The following AIM2 variants were observed in gnomAD, a reference collection of about 807,000 sequenced individuals.
AIM2 encodes interferon-inducible protein AIM2.
Under a neutral mutation model 27.7 loss-of-function variants are expected in AIM2, and 30 were observed. That is an observed-to-expected ratio of 1.08 (90% confidence interval 0.81 to 1.47). The LOEUF is 1.47. AIM2 is among the 40% of genes most tolerant of loss of function. The pLI is 0.00. For missense variants in AIM2, 358 were observed against 411.3 expected (o/e 0.87, Z 1.12); for synonymous variants, 141 against 145.3 (o/e 0.97, Z 0.21).
upstream of AIM2, among the ~76,000 whole-genome samples, chr1:159,143,922 T>C (rs1293821672): frequency 6.6e-6 from 1 of 152,120 alleles, no homozygotes; most frequent in Non-Finnish European, 1.5e-5. Flanking sequence ...AAAGAAGGAA[T>C]CAATCTTTTT....
rs184461854 is a variant in AIM2, at chr1:159,068,073, T to C, written c.396+495A>G. ...CAGACCGAGTGTCAGAGTCTCTGAA[T>C]TGGATCTCTGATGTGACCCAGAGCC... On this transcript the variant is annotated intron_variant, in intron 3 of 5. Transcript: ENST00000368130. 1.0e-3 allele frequency among the ~76,000 whole-genome samples: 154 copies of C among 152,232 alleles called. 1 individual carries two copies. The highest frequency in any genetic ancestry group is 3.4e-3 in the African/African-American group (140 of 41,526).
chr1:159,122,580 T>C (rs1293467229), intron 1 of AIM2, among the ~76,000 whole-genome samples: 3 of 152,164 alleles, frequency 2.0e-5, no homozygotes, highest in Non-Finnish European at 4.4e-5. Flanking sequence ...GAGGATTACT[T>C]GGGACACAGT....
chr1:159,072,908 G>T lies in AIM2; in HGVS notation c.262+330C>A, dbSNP rs1261216345. 7.9e-5 allele frequency among the ~76,000 whole-genome samples: 12 copies of T among 152,156 alleles called. 2 individuals are homozygous for T. Among genetic ancestry groups the T allele is most frequent in the Admixed American group, 6.5e-4 (10 of 15,276 alleles). ...CATTACATACTGTGTAAATGGAGTT[G>T]GGAGAAGTTAACTTTGAAATTCTAC... On this transcript the variant is annotated intron_variant, in intron 2 of 5. Transcript: ENST00000368130.
At chr1:159,094,805 C>T (rs1351674854) in intron 1 of AIM2, among the ~76,000 whole-genome samples, 1 of 152,136 alleles carries the variant, frequency 6.6e-6, no homozygotes, top group Non-Finnish European at 1.5e-5. Flanking sequence ...ATGAAATTTA[C>T]ATTTTAAAAA....
rs139365140 is a variant in AIM2, at chr1:159,136,374, T to C, written c.-16+4057A>G. On this transcript the variant is annotated intron_variant, in intron 1 of 2. Transcript: ENST00000368129. The stretch of plus-strand genomic sequence containing the variant: ...TCGACAATTTTACAGCTTACCCTAT[T>C]TAATTCTAGGTATTAGTTAGATCAT... 1.7e-3 allele frequency among the ~76,000 whole-genome samples: 258 copies of C among 152,320 alleles called. 5 individuals carry two copies. The highest frequency in any genetic ancestry group is 0.014 in the Admixed American group (221 of 15,296).
At chr1:159,064,525 C>T (rs571852884) in intron 4 of AIM2, among the ~76,000 whole-genome samples, 56 of 152,306 alleles carry the variant, frequency 3.7e-4, no homozygotes, top group East Asian at 2.1e-3. Flanking sequence ...AGTGCGATGG[C>T]GCAATCTTGG....
At chr1:159,080,416 A>G (rs113848583), upstream of AIM2, among the ~76,000 whole-genome samples, 6 of 152,356 alleles carry the variant, frequency 3.9e-5, no homozygotes, top group Admixed American at 3.9e-4. Flanking sequence ...TTAAAAAGGT[A>G]TACTTTAGAA....
intron 1 of AIM2, among the ~76,000 whole-genome samples, chr1:159,115,448 G>A (rs2102033629): frequency 6.6e-6 from 1 of 152,114 alleles, no homozygotes; most frequent in Admixed American, 6.5e-5. Flanking sequence ...ACAAGGCTAT[G>A]GTAACCAAAA....
At chr1:159,059,973 AC>A (rs1655777785), downstream of AIM2, among the ~76,000 whole-genome samples, 3 of 152,152 alleles carry the variant, frequency 2.0e-5, no homozygotes. Flanking sequence ...TAGTGTGTAG[AC>A]CAGAGAGGAT....
intron 5 of AIM2, among the ~76,000 whole-genome samples, chr1:159,063,246 T>C (rs1655917484): frequency 2.6e-5 from 4 of 152,216 alleles, no homozygotes; most frequent in African/African-American, 9.6e-5. Context: ...GAGCTCTTTT[T>C]TGGGCTCTGT....
chr1:159,072,240 C>T (rs1479489545), intron 2 of AIM2, among the ~76,000 whole-genome samples: 1 of 152,202 alleles, frequency 6.6e-6, no homozygotes, highest in Admixed American at 6.5e-5. Flanking sequence ...CCACTCCTTT[C>T]TCTTTAGTGC....
intron 1 of AIM2, among the ~76,000 whole-genome samples, chr1:159,089,604 C>T (rs542879468): frequency 3.1e-4 from 47 of 152,272 alleles, no homozygotes; most frequent in African/African-American, 1.0e-3. Flanking sequence ...AGTTTCACTC[C>T]TTTACTCTCA....
chr1:159,071,508 T>TTTG (rs899058104), intron 2 of AIM2, among the ~76,000 whole-genome samples: 2 of 151,956 alleles, frequency 1.3e-5, no homozygotes, highest in Non-Finnish European at 2.9e-5. Context: ...TACTTTGTGT[T>TTTG]TTGTTGTTGT....
At chr1:159,139,727 C>G (rs1648076009) in intron 1 of AIM2, among the ~76,000 whole-genome samples, 1 of 152,286 alleles carries the variant, frequency 6.6e-6, no homozygotes, top group Admixed American at 6.5e-5. Context: ...TCTGATCAAA[C>G]ATTTAAACAA....
At chr1:159,130,315 C>T (rs1243558551) in intron 1 of AIM2, among the ~76,000 whole-genome samples, 1 of 152,196 alleles carries the variant, frequency 6.6e-6, no homozygotes, top group Non-Finnish European at 1.5e-5. Context: ...ACAGACTGAT[C>T]ATTCCTAACT....
intron 1 of AIM2, among the ~76,000 whole-genome samples, chr1:159,088,228 T>A (rs1370305501): frequency 6.6e-6 from 1 of 152,162 alleles, no homozygotes; most frequent in Non-Finnish European, 1.5e-5. Context: ...GACTGTGAGA[T>A]GTGAGACACA....
chr1:159,073,155 G>A (rs1380598930), intron 2 of AIM2, 83 bp downstream of exon 2: 1 of 1,536,850 alleles, frequency 6.5e-7, no homozygotes, highest in Non-Finnish European at 8.9e-7. Flanking sequence ...TGCACTGGGG[G>A]TCATATCCCA....
intron 1 of AIM2, among the ~76,000 whole-genome samples, chr1:159,093,040 A>AAT (rs1553217592): frequency 1.3e-4 from 19 of 147,200 alleles, no homozygotes; most frequent in African/African-American, 3.2e-4. Flanking sequence ...TAAATAAATA[A>AAT]AAATAAATAA....
rs368519239 is a variant in AIM2, at chr1:159,065,924, A to G, written c.802T>C (p.Phe268Leu). The G allele has an allele frequency of 1.2e-6, 2 of 1,607,638 alleles. No individual in the cohort carries two copies. The highest frequency in any genetic ancestry group is 1.7e-5 in the Admixed American group (1 of 59,200). Residue 268 changes from phenylalanine (F) to leucine (L), a missense_variant, in exon 4 of 6, where the codon TTT (phenylalanine) becomes CTT (leucine). Coordinates refer to ENST00000368130, the MANE Select transcript of AIM2 (RefSeq NM_004833.3). ...QPLGTIVNGL[F>L]VVQKVTEKKK... ...TGAAAACTTACCTTCTGGACTACAA[A>G]CAAACCATTCACAATTGTTCCAAGG... is the stretch of plus-strand genomic sequence containing the variant.
Sources: allele counts gnomAD v4.1 joint callset (sites outside exome capture counted in the v4.1 genomes callset), GRCh38; gene constraint gnomAD v4.1.1; transcripts MANE v1.5; gene names NCBI Gene and HGNC (gene_info 2026-07-23, HGNC 2026-07-21).